EHMT1: variants seen among roughly 807,000 people sequenced by gnomAD.
EHMT1 encodes euchromatic histone lysine methyltransferase 1, also known as histone-lysine N-methyltransferase EHMT1.
Under a neutral mutation model 147.2 loss-of-function variants are expected in EHMT1, and 15 were observed. The ratio of observed to expected loss-of-function variants is 0.10; its 90% confidence interval spans 0.07 to 0.16. The LOEUF (loss-of-function observed/expected upper bound fraction) is 0.16. Among genes scored for constraint, EHMT1 ranks in the 10% least tolerant of loss-of-function variants. The pLI, the probability that EHMT1 is intolerant of heterozygous loss-of-function variation, is 1.00. For synonymous variants in EHMT1, 795 were observed against 709.6 expected, an observed-to-expected ratio of 1.12 and a Z score of -1.91; for missense variants, 1,587 against 1,772.4, an observed-to-expected ratio of 0.90 and a Z score of 1.88.
At chr9:137,747,869 A>G (rs1039072328) in intron 6 of EHMT1, 3 of 151,210 alleles carry the variant, frequency 2.0e-5, no homozygotes, top group Non-Finnish European at 3.0e-5. Flanking sequence ...GTCGTGTTTG[A>G]AGTGCTAACT....
intron 17 of EHMT1, chr9:137,800,551 A>AG (rs1184241497): frequency 2.6e-6 from 1 of 386,284 alleles, no homozygotes; most frequent in Non-Finnish European, 4.9e-6. Flanking sequence ...GTGTGCCATT[A>AG]GACTCGTTGC....
intron 18 of EHMT1, chr9:137,803,456 A>G (rs1319496314): frequency 6.6e-6 from 2 of 302,856 alleles, no homozygotes; most frequent in East Asian, 1.7e-4. Flanking sequence ...GGCTCTCACC[A>G]TGGGCAGCTT....
At chr9:137,834,113 C>T in intron 25 of EHMT1, 1 of 601,646 alleles carries the variant, frequency 1.7e-6, no homozygotes, top group East Asian at 2.8e-5. Context: ...ACCCCCACCC[C>T]ACCACAGACG....
At chr9:137,672,355 T>C (rs1252150161) in intron 1 of EHMT1, among the ~76,000 whole-genome samples, 2 of 152,106 alleles carry the variant, frequency 1.3e-5, no homozygotes, top group African/African-American at 2.4e-5. Context: ...TATGTTAACA[T>C]GTAGTAGGTT....
intron 15 of EHMT1, chr9:137,788,344 A>C: frequency 2.7e-6 from 1 of 366,012 alleles, no homozygotes; most frequent in Non-Finnish European, 4.9e-6. Flanking sequence ...ACGTTGGCGA[A>C]GGCTCCACCC....
chr9:137,834,985 C>G lies in EHMT1; in HGVS notation c.*32C>G. 7.3e-7 allele frequency: 1 copy of G among 1,378,586 alleles called. No homozygotes were observed. 85.4% of individuals were successfully genotyped at this position (1,378,586 alleles called of 1,614,324 possible). A position where few individuals can be genotyped will look rare whatever the true frequency, so the allele number is the denominator to read the frequency against. On this transcript the variant is annotated 3_prime_UTR_variant, in exon 27 of 27. Transcript: ENST00000460843. ...GCCGGCCAGCGGGGCGCTCGGGAGC[C>G]AGGGACCGCCGCGTCGCCGATTAGA... is the stretch of plus-strand genomic sequence containing the variant.
intron 25 of EHMT1, among the ~76,000 whole-genome samples, chr9:137,821,688 C>G (rs1278445792): frequency 6.6e-6 from 1 of 152,118 alleles, no homozygotes; most frequent in Non-Finnish European, 1.5e-5. Flanking sequence ...CTGAAGTCAG[C>G]TTAACAAGTT....
intron 1 of EHMT1, among the ~76,000 whole-genome samples, chr9:137,685,719 CA>C (rs1942368726): frequency 6.6e-6 from 1 of 152,192 alleles, no homozygotes; most frequent in Admixed American, 6.5e-5. Context: ...CTCTACTCCT[CA>C]CCAACACTTT....
At chr9:137,819,756 G>C (rs1339266878) in intron 25 of EHMT1, among the ~76,000 whole-genome samples, 4 of 151,970 alleles carry the variant, frequency 2.6e-5, no homozygotes, top group African/African-American at 9.7e-5. Context: ...TGTGCACAGA[G>C]GCCAACAGAC....
chr9:137,672,655 C>G (rs988589515), intron 1 of EHMT1, among the ~76,000 whole-genome samples: 2 of 152,250 alleles, frequency 1.3e-5, no homozygotes, highest in Non-Finnish European at 2.9e-5. Flanking sequence ...AACCAACCAA[C>G]CAGTTTCTGC....
At position 137,811,767 on chromosome 9, in the gene EHMT1, C is replaced by T. The variant is rs79637613; in HGVS notation, c.2867+152C>T. The T allele has an allele frequency of 9.0e-3, 9,515 of 1,057,992 alleles. 644 individuals are homozygous for T. The African/African-American group carries it at 0.13, about 15-fold the overall frequency. 65.5% of individuals were successfully genotyped at this position (1,057,992 alleles called of 1,614,324 possible). A position where few individuals can be genotyped will look rare whatever the true frequency, so the allele number is the denominator to read the frequency against. On this transcript the variant is annotated intron_variant, in intron 19 of 26. Coordinates refer to ENST00000460843, the MANE Select transcript of EHMT1 (RefSeq NM_024757.5). Reference sequence around the variant, plus strand: ...GGAAGTCCATCCTTGGTGTTCCACACGCAGAGAAGTGTCTTTCCCAGTCCA... The same window carrying T: ...GGAAGTCCATCCTTGGTGTTCCACATGCAGAGAAGTGTCTTTCCCAGTCCA...
At chr9:137,752,578 A>T (rs192219035) in intron 7 of EHMT1, among the ~76,000 whole-genome samples, 170 bp downstream of exon 7, 2 of 152,230 alleles carry the variant, frequency 1.3e-5, no homozygotes, top group African/African-American at 2.4e-5. Flanking sequence ...GCAAAGCCTC[A>T]TGAGAAAGAC....
At chr9:137,809,924 G>A (rs1404269109) in intron 18 of EHMT1, among the ~76,000 whole-genome samples, 2 of 132,914 alleles carry the variant, frequency 1.5e-5, no homozygotes, top group African/African-American at 3.9e-5. Flanking sequence ...TGGACCGTCG[G>A]TGATGGGTCC....
chr9:137,654,387 C>G (rs1487818587), intron 1 of EHMT1, among the ~76,000 whole-genome samples: 2 of 139,120 alleles, frequency 1.4e-5, no homozygotes, highest in Non-Finnish European at 3.1e-5. Flanking sequence ...CCACCTCCCC[C>G]CCACCAAAAA....
intron 5 of EHMT1, 116 bp downstream of exon 5, chr9:137,743,644 G>A: frequency 2.0e-6 from 3 of 1,475,828 alleles, no homozygotes; most frequent in Non-Finnish European, 2.8e-6. Flanking sequence ...CCAGTGCCAT[G>A]AAGCTCCTCT....
chr9:137,619,507 C>T (rs1290122183), intron 1 of EHMT1, among the ~76,000 whole-genome samples: 1 of 152,114 alleles, frequency 6.6e-6, no homozygotes, highest in Non-Finnish European at 1.5e-5. Context: ...TCTCGGAGCT[C>T]TTCCTTCGCT....
chr9:137,717,753 T>C (rs1261382337), intron 3 of EHMT1, among the ~76,000 whole-genome samples: 1 of 152,202 alleles, frequency 6.6e-6, no homozygotes, highest in Non-Finnish European at 1.5e-5. Flanking sequence ...GTCAGATCCT[T>C]TCAAGGAGGC....
intron 1 of EHMT1, among the ~76,000 whole-genome samples, chr9:137,696,934 TTC>T (rs1435584214): frequency 6.6e-6 from 1 of 152,210 alleles, no homozygotes; most frequent in African/African-American, 2.4e-5. Flanking sequence ...CTTCTGGTAC[TTC>T]TGACCCAGAG....
At chr9:137,683,758 T>C (rs905180725) in intron 1 of EHMT1, among the ~76,000 whole-genome samples, 1 of 152,222 alleles carries the variant, frequency 6.6e-6, no homozygotes, top group African/African-American at 2.4e-5. Flanking sequence ...ATGCATAGTT[T>C]TTATTTTTTC....
Sources: gnomAD v4.1 joint callset for allele counts (sites outside exome capture counted in the v4.1 genomes callset) on GRCh38, gnomAD v4.1.1 for gene constraint, MANE v1.5 for transcripts, NCBI Gene and HGNC (gene_info 2026-07-23, HGNC 2026-07-21) for gene names.